Variants in PLCB4 observed in about 807,000 individuals in gnomAD.
PLCB4 encodes 1-phosphatidylinositol 4,5-bisphosphate phosphodiesterase beta-4.
A neutral mutation model predicts 178.8 loss-of-function variants in PLCB4; 77 were observed. The observed-to-expected ratio is 0.43, with a 90% CI of 0.36 to 0.52. PLCB4 has a LOEUF of 0.52. Among genes scored for constraint, PLCB4 ranks in the 20% least tolerant of loss-of-function variants. The pLI is 0.00. For synonymous variants in PLCB4, 496 were observed against 490.8 expected, an observed-to-expected ratio of 1.01 and a Z score of -0.14; for missense variants, 1,024 against 1,453.4, an observed-to-expected ratio of 0.70 and a Z score of 4.80.
intron 8 of PLCB4, among the ~76,000 whole-genome samples, chr20:9,363,413 G>A (rs143252305): frequency 5.3e-5 from 8 of 152,278 alleles, no homozygotes; most frequent in Admixed American, 1.3e-4. Context: ...AGAAGCCTCA[G>A]CCCCAAGTGC....
At chr20:9,126,734 G>A (rs2092124076) in intron 2 of PLCB4, among the ~76,000 whole-genome samples, 1 of 149,124 alleles carries the variant, frequency 6.7e-6, no homozygotes, top group African/African-American at 2.5e-5. Flanking sequence ...GGAAATGCAA[G>A]AGATTCAGAG....
At chr20:9,251,941 G>A (rs1299920753) in intron 3 of PLCB4, among the ~76,000 whole-genome samples, 2 of 152,042 alleles carry the variant, frequency 1.3e-5, no homozygotes, top group Admixed American at 1.3e-4. Flanking sequence ...AAAATTGTCA[G>A]CGAGATATTT....
At chr20:9,092,917 T>C (rs1001410610) in intron 1 of PLCB4, among the ~76,000 whole-genome samples, 1 of 152,128 alleles carries the variant, frequency 6.6e-6, no homozygotes, top group African/African-American at 2.4e-5. Context: ...TGCCATAGTA[T>C]CTGGGAAAGC....
At chr20:9,253,475 C>G (rs2094202325) in intron 3 of PLCB4, among the ~76,000 whole-genome samples, 1 of 152,170 alleles carries the variant, frequency 6.6e-6, no homozygotes, top group Non-Finnish European at 1.5e-5. Context: ...TTTCTTTCAG[C>G]TCCTCATCCC....
At chr20:9,322,283 G>A (rs900586472) in intron 4 of PLCB4, among the ~76,000 whole-genome samples, 3 of 151,894 alleles carry the variant, frequency 2.0e-5, no homozygotes, top group African/African-American at 4.8e-5. Flanking sequence ...TTTGAGGGGG[G>A]AGAAAAACTA....
rs904102269 is a variant in PLCB4 at position 9,409,264 on chromosome 20, G to A, written c.1999+83G>A. 2.0e-5 allele frequency: 24 copies of A among 1,178,928 alleles called. 1 individual carries two copies. In the Admixed American group the frequency reaches 6.8e-4, roughly 33 times the overall value. The allele number at this position is 1,178,928 out of a possible 1,614,324, so 73.0% of individuals were successfully genotyped here. On this transcript the variant is annotated intron_variant, in intron 24 of 39. Coordinates refer to ENST00000378473, the MANE Select transcript of PLCB4 (RefSeq NM_001377142.1). ...CCAGCACTTCCCATCAGTTGGCTGTGGGCATTTTTTAAAGGAAGCAGACAT... is the reference window on the plus strand; with the variant it reads ...CCAGCACTTCCCATCAGTTGGCTGTAGGCATTTTTTAAAGGAAGCAGACAT...
At chr20:9,073,553 C>T (rs2089676756) in intron 1 of PLCB4, among the ~76,000 whole-genome samples, 1 of 151,990 alleles carries the variant, frequency 6.6e-6, no homozygotes, top group Non-Finnish European at 1.5e-5. Flanking sequence ...GATTGATTTC[C>T]ATTGTACTTT....
chr20:9,452,273 G>T (rs900744431), intron 32 of PLCB4, among the ~76,000 whole-genome samples: 12 of 152,294 alleles, frequency 7.9e-5, no homozygotes, highest in Admixed American at 3.3e-4. Context: ...ACCGTTAAAA[G>T]AAGTTCATGA....
At chr20:9,422,321 G>A (rs189764263) in intron 27 of PLCB4, among the ~76,000 whole-genome samples, 9 of 152,326 alleles carry the variant, frequency 5.9e-5, no homozygotes, top group Non-Finnish European at 8.8e-5. Flanking sequence ...GGAGATCAAT[G>A]TAGGTTTGAT....
intron 28 of PLCB4, among the ~76,000 whole-genome samples, chr20:9,427,460 G>A (rs62194843): frequency 3.3e-5 from 5 of 151,660 alleles, no homozygotes; most frequent in South Asian, 2.1e-4. Context: ...GCTACAAAAC[G>A]TAAAGAAAAA....
intron 1 of PLCB4, among the ~76,000 whole-genome samples, chr20:9,076,542 G>A (rs1238493695): frequency 1.3e-5 from 2 of 152,146 alleles, no homozygotes; most frequent in Non-Finnish European, 2.9e-5. Flanking sequence ...AGACACAGAG[G>A]TTCTCTTGCC....
rs910635229 is a variant in PLCB4, at chr20:9,408,580, G to T, written c.1790-53G>T. On this transcript the variant is annotated intron_variant, in intron 22 of 39. Transcript: ENST00000378473. Reference sequence around the variant, plus strand: ...TTGCATTTATTTATTGCTGTTTTTCGGTGAGGGTTTGATGGCAGAGTTCCT... The same window carrying T: ...TTGCATTTATTTATTGCTGTTTTTCTGTGAGGGTTTGATGGCAGAGTTCCT... 1.2e-5 allele frequency: 10 copies of T among 839,032 alleles called. No homozygotes were observed. The South Asian group carries it at 1.4e-4, about 12-fold the overall frequency. 52.0% of individuals were successfully genotyped at this position (839,032 alleles called of 1,614,324 possible).
chr20:9,186,528 AT>A (rs2093331211), intron 2 of PLCB4, among the ~76,000 whole-genome samples: 1 of 152,282 alleles, frequency 6.6e-6, no homozygotes, highest in Admixed American at 6.5e-5. Context: ...GGGTGTTTTA[AT>A]TTTTTGAAGT....
At chr20:9,397,033 A>G (rs2038643179) in intron 19 of PLCB4, among the ~76,000 whole-genome samples, 1 of 152,216 alleles carries the variant, frequency 6.6e-6, no homozygotes, top group Admixed American at 6.5e-5. Flanking sequence ...ATTTCTCTGT[A>G]GCATGCAGTG....
At chr20:9,194,692 CA>C (rs555217572) in intron 2 of PLCB4, among the ~76,000 whole-genome samples, 712 of 40,818 alleles carry the variant, frequency 0.017, 1 homozygote, top group African/African-American at 0.04. Context: ...GACTCCATCT[CA>C]AAAAAAAAAA....
chr20:9,350,165 A>C (rs1458880125), intron 7 of PLCB4, among the ~76,000 whole-genome samples: 1 of 152,140 alleles, frequency 6.6e-6, no homozygotes, highest in Admixed American at 6.5e-5. Context: ...TAAAAAAAAA[A>C]CAGGAAAACT....
At chr20:9,075,639 G>A (rs1258469894) in intron 1 of PLCB4, among the ~76,000 whole-genome samples, 1 of 152,214 alleles carries the variant, frequency 6.6e-6, no homozygotes, top group East Asian at 1.9e-4. Context: ...CTTAGGGAGT[G>A]GTGAGGCTTG....
intron 2 of PLCB4, among the ~76,000 whole-genome samples, chr20:9,138,042 G>C (rs1222936820): frequency 6.6e-6 from 1 of 152,118 alleles, no homozygotes; most frequent in Admixed American, 6.6e-5. Context: ...AAGTAAGTCT[G>C]TCAAGAAAAG....
At chr20:9,334,868 C>T (rs1319899074) in intron 4 of PLCB4, among the ~76,000 whole-genome samples, 2 of 151,864 alleles carry the variant, frequency 1.3e-5, no homozygotes, top group East Asian at 1.9e-4. Flanking sequence ...TTGAAATGTC[C>T]AGGTGGTAAT....
Sources: gnomAD v4.1 joint callset for allele counts (sites outside exome capture counted in the v4.1 genomes callset) on GRCh38, gnomAD v4.1.1 for gene constraint, MANE v1.5 for transcripts, NCBI Gene and HGNC (gene_info 2026-07-23, HGNC 2026-07-21) for gene names.